Variants in PTPRD observed in about 807,000 individuals in gnomAD.
PTPRD encodes the protein protein tyrosine phosphatase receptor type D.
A neutral mutation model predicts 214.5 loss-of-function variants in PTPRD; 34 were observed. The observed-to-expected ratio is 0.16, with a 90% CI of 0.12 to 0.21. PTPRD has a LOEUF of 0.21. Ranked by LOEUF, PTPRD falls within the 10% of genes least tolerant of loss-of-function variation. The probability of loss-of-function intolerance (pLI) is 1.00; values close to 1 mark genes in which losing one functional copy is unlikely to be tolerated. For missense variants in PTPRD, 2,545 were observed against 2,398.7 expected, an observed-to-expected ratio of 1.06 and a Z score of -1.27; for synonymous variants, 1,128 against 845.7, an observed-to-expected ratio of 1.33 and a Z score of -5.79.
chr9:9,892,282 C>A (rs1170029196), intron 5 of PTPRD, among the ~76,000 whole-genome samples: 1 of 152,012 alleles, frequency 6.6e-6, no homozygotes, highest in African/African-American at 2.4e-5. Flanking sequence ...ATAGAGATTA[C>A]CTTTGAACAG....
intron 5 of PTPRD, among the ~76,000 whole-genome samples, chr9:9,910,068 G>T (rs2078760099): frequency 6.6e-6 from 1 of 151,818 alleles, no homozygotes; most frequent in South Asian, 2.1e-4. Context: ...TGGCTCAACT[G>T]CTTACTACTT....
chr9:8,784,231 A>T (rs1183284046), intron 11 of PTPRD, among the ~76,000 whole-genome samples: 1 of 152,234 alleles, frequency 6.6e-6, no homozygotes, highest in African/African-American at 2.4e-5. Context: ...ACTGTGGCAA[A>T]CAAAACGACA....
At chr9:9,629,251 T>TATATATATATATATAC (rs2095516096) in intron 7 of PTPRD, among the ~76,000 whole-genome samples, 1 of 150,182 alleles carries the variant, frequency 6.7e-6, no homozygotes, top group Non-Finnish European at 1.5e-5. Context: ...TATATATATA[T>TATATATATATATATAC]ATATATGAAC....
At chr9:9,568,352 T>C (rs1334541789) in intron 8 of PTPRD, among the ~76,000 whole-genome samples, 1 of 151,930 alleles carries the variant, frequency 6.6e-6, no homozygotes, top group Non-Finnish European at 1.5e-5. Flanking sequence ...CGATTAATTA[T>C]AAGCAGAATC....
In PTPRD at chr9:8,931,672, G is replaced by A. The variant is rs114090572; in HGVS notation, c.-104+87025C>T. On this transcript the variant is annotated intron_variant, in intron 11 of 45. Coordinates refer to ENST00000381196, the MANE Select transcript of PTPRD (RefSeq NM_002839.4). ...AGGTTTACGTATCACGATGATGCAT[G>A]TCTCATGAAATGAGTTAGGGAGGAG... Among the ~76,000 whole-genome samples the A allele has an allele frequency of 5.9e-3, 897 of 152,196 alleles. 12 individuals carry two copies. The highest frequency in any genetic ancestry group is 0.02 in the African/African-American group (845 of 41,538).
chr9:9,896,993 C>T (rs2075148745), intron 5 of PTPRD, among the ~76,000 whole-genome samples: 1 of 152,008 alleles, frequency 6.6e-6, no homozygotes, highest in Non-Finnish European at 1.5e-5. Context: ...CAGAGTTCCT[C>T]AATGGAGGCA....
At chr9:9,570,092 T>C (rs1326656791) in intron 8 of PTPRD, among the ~76,000 whole-genome samples, 1 of 151,576 alleles carries the variant, frequency 6.6e-6, no homozygotes, top group African/African-American at 2.4e-5. Flanking sequence ...CAATTCATTA[T>C]TGAATAGGAA....
chr9:9,738,792 G>A (rs2098347967), intron 6 of PTPRD, among the ~76,000 whole-genome samples: 1 of 151,896 alleles, frequency 6.6e-6, no homozygotes, highest in Non-Finnish European at 1.5e-5. Context: ...AGTTCTAAGT[G>A]ATCTCAATAT....
intron 3 of PTPRD, among the ~76,000 whole-genome samples, chr9:10,082,840 AACAC>A (rs59362209): frequency 4.3e-4 from 55 of 128,296 alleles, no homozygotes; most frequent in Admixed American, 1.2e-3. Context: ...CACACACACA[AACAC>A]ACACACACAC....
intron 9 of PTPRD, among the ~76,000 whole-genome samples, chr9:9,303,120 G>C (rs754119169): frequency 1.2e-3 from 184 of 152,030 alleles, no homozygotes; most frequent in Middle Eastern, 3.4e-3. Context: ...ATCAATGAGG[G>C]AGATAATTTG....
chr9:8,450,322 A>C (rs1054810211), intron 33 of PTPRD, among the ~76,000 whole-genome samples: 1 of 152,188 alleles, frequency 6.6e-6, no homozygotes, highest in Non-Finnish European at 1.5e-5. Context: ...TAGATGCCGT[A>C]GATTTTCCCA....
intron 10 of PTPRD, among the ~76,000 whole-genome samples, chr9:9,118,385 A>G (rs1030272071): frequency 6.6e-6 from 1 of 152,138 alleles, no homozygotes; most frequent in East Asian, 1.9e-4. Flanking sequence ...TTTCTGCAGA[A>G]GTTATAGTGG....
chr9:10,216,673 T>C (rs754374639), intron 3 of PTPRD, among the ~76,000 whole-genome samples: 7 of 152,026 alleles, frequency 4.6e-5, no homozygotes, highest in Admixed American at 1.3e-4. Flanking sequence ...AACACCTAAC[T>C]TACCTCTGTT....
chr9:8,777,203 C>A (rs1043533515), intron 11 of PTPRD, among the ~76,000 whole-genome samples: 2 of 151,964 alleles, frequency 1.3e-5, no homozygotes, highest in Middle Eastern at 6.3e-3. Flanking sequence ...TGATCTTGAA[C>A]TCCTGGGCTC....
chr9:10,562,334 T>C (rs1388163218), intron 2 of PTPRD, among the ~76,000 whole-genome samples: 1 of 151,980 alleles, frequency 6.6e-6, no homozygotes, highest in Non-Finnish European at 1.5e-5. Context: ...GTTAACTTTT[T>C]TTTTTTTTTG....
intron 18 of PTPRD, 24 bp downstream of exon 18, chr9:8,524,901 A>G: frequency 6.3e-7 from 1 of 1,597,522 alleles, no homozygotes; most frequent in African/African-American, 1.3e-5. Context: ...TGAAGAAGCG[A>G]TGCCAGGGTT....
intron 11 of PTPRD, among the ~76,000 whole-genome samples, chr9:8,959,506 C>A (rs767652762): frequency 5.3e-5 from 8 of 151,912 alleles, no homozygotes; most frequent in Non-Finnish European, 1.2e-4. Context: ...GATCAGAAAT[C>A]AAAAGCCTTG....
At position 8,655,966 on chromosome 9, in the gene PTPRD, G is replaced by T. The variant is rs538836677; in HGVS notation, c.65-19122C>A. On this transcript the variant is annotated intron_variant, in intron 12 of 45. Transcript: ENST00000381196. ...TACTTAGTGCAGAAGAGAAAGTCCT[G>T]TTCAAAGAATTTGCTAAACCTATCA... Among the ~76,000 whole-genome samples the T allele has an allele frequency of 2.6e-5, 4 of 152,186 alleles. No individual in the cohort carries two copies. The South Asian group carries it at 8.3e-4, about 32-fold the overall frequency.
chr9:9,965,477 A>T (rs892035903), intron 4 of PTPRD, among the ~76,000 whole-genome samples: 2 of 152,168 alleles, frequency 1.3e-5, no homozygotes, highest in African/African-American at 4.8e-5. Context: ...AGATAATGTT[A>T]GACAATGAGA....
Sources: gnomAD v4.1 joint callset for allele counts (sites outside exome capture counted in the v4.1 genomes callset) on GRCh38, gnomAD v4.1.1 for gene constraint, MANE v1.5 for transcripts, NCBI Gene and HGNC (gene_info 2026-07-23, HGNC 2026-07-21) for gene names.